The following KDM2B variants were observed in gnomAD, a reference collection of about 807,000 sequenced individuals.
KDM2B encodes lysine-specific demethylase 2B.
KDM2B carries 26 observed loss-of-function variants against 150.0 expected under a neutral mutation model. The ratio of observed to expected loss-of-function variants is 0.17; its 90% confidence interval spans 0.13 to 0.24. The LOEUF is 0.24. Among genes scored for constraint, KDM2B ranks in the 10% least tolerant of loss-of-function variants. KDM2B has a pLI of 1.00. For synonymous variants in KDM2B, 734 were observed against 729.5 expected (o/e 1.01, Z -0.10); for missense variants, 1,265 against 1,816.9 (o/e 0.70, Z 5.52).
intron 11 of KDM2B, among the ~76,000 whole-genome samples, chr12:121,497,223 GT>G (rs1474230647): frequency 6.6e-6 from 1 of 152,204 alleles, no homozygotes; most frequent in African/African-American, 2.4e-5. Flanking sequence ...TTTATAAAGT[GT>G]CTTTATTCAC....
rs1234495628 is a variant in KDM2B, at chr12:121,579,928, G to A, written c.126+858C>T. 39 of 1,455,618 alleles carry A rather than the reference G, an allele frequency of 2.7e-5. No homozygotes were observed. The East Asian group carries it at 4.0e-4, about 15-fold the overall frequency. The allele number at this position is 1,455,618 out of a possible 1,614,324, so 90.2% of individuals were successfully genotyped here. ...CAAAATACAGAAAAGGAAAGAAAAG[G>A]CAGCGAGAAACAACCAAAAAAAAAA... On this transcript the variant is annotated intron_variant, in intron 1 of 22. Coordinates refer to ENST00000377071, the MANE Select transcript of KDM2B (RefSeq NM_032590.5).
rs781838028 is a variant in KDM2B, at chr12:121,442,711, G to A, written c.2730C>T (p.Ser910=). ...GTCCCGCGGTGGGGGAGCTGGAGCG[G>A]GAGTGGTCGCTCTCCCTGGTCTTGG... ...APPKTRESDH[S]RSSSPTAGPS... The change falls in exon 19 of 23, where the codon TCC becomes TCT. Residue 910 remains serine, a synonymous_variant. Transcript: ENST00000377071. This position sits in a 1 kb window ranked among gnomAD's most constrained non-coding sequence, Gnocchi z 7.7. 6 of 1,582,746 alleles carry A rather than the reference G, an allele frequency of 3.8e-6. No individual in the cohort carries two copies. The African/African-American group carries it at 6.8e-5, about 18-fold the overall frequency.
At position 121,444,225 on chromosome 12, in the gene KDM2B, G is replaced by C. The variant is rs782408113; in HGVS notation, c.2238C>G (p.Ser746=). Residue 746 remains serine, a synonymous_variant, in exon 16 of 23, where the codon TCC becomes TCG. Transcript: ENST00000377071. ...GFKYASNLPG[S]LLKEQKMNRD... ...GGTTCATCTTCTGCTCCTTGAGCAGGGAGCCGGGCAGGTTGGAGGCGTACT... is the reference window on the plus strand; with the variant it reads ...GGTTCATCTTCTGCTCCTTGAGCAGCGAGCCGGGCAGGTTGGAGGCGTACT... The C allele has an allele frequency of 7.6e-5, 122 of 1,613,664 alleles. No homozygotes were observed. The highest frequency in any genetic ancestry group is 9.9e-5 in the Non-Finnish European group (117 of 1,180,050).
chr12:121,446,744 G>C (rs1011814868), intron 13 of KDM2B, among the ~76,000 whole-genome samples: 4 of 152,314 alleles, frequency 2.6e-5, no homozygotes, highest in African/African-American at 9.6e-5. Context: ...TCAAGTTTCT[G>C]AATGAAAATT....
chr12:121,444,970 C>G, intron 14 of KDM2B: 1 of 422,882 alleles, frequency 2.4e-6, no homozygotes, highest in Non-Finnish European at 4.3e-6. Context: ...CACCTGGAGG[C>G]GCTTCCTCTG....
chr12:121,440,409 T>C, intron 21 of KDM2B: 1 of 415,632 alleles, frequency 2.4e-6, no homozygotes. Flanking sequence ...TCCAGCCCAG[T>C]CCAGGGGGAG....
At chr12:121,420,289 CGAT>C in the KDM2B span, 86 of 1,592,830 alleles carry the variant, frequency 5.4e-5, no homozygotes, top group African/African-American at 6.1e-4. Flanking sequence ...ATGATGACGA[CGAT>C]GATGAGGATG....
chr12:121,519,742 G>A (rs1886523923), intron 9 of KDM2B, among the ~76,000 whole-genome samples: 2 of 152,138 alleles, frequency 1.3e-5, no homozygotes, highest in Non-Finnish European at 2.9e-5. Flanking sequence ...TAAAACCACT[G>A]AATTGTATAC....
At chr12:121,472,111 A>G (rs71454697) in intron 12 of KDM2B, among the ~76,000 whole-genome samples, 2 of 152,174 alleles carry the variant, frequency 1.3e-5, no homozygotes, top group Non-Finnish European at 2.9e-5. Context: ...CAACAGAGCA[A>G]CACCCTGTCT....
intron 2 of KDM2B, among the ~76,000 whole-genome samples, chr12:121,577,485 T>C (rs1555317036): frequency 6.6e-6 from 1 of 151,932 alleles, no homozygotes; most frequent in African/African-American, 2.4e-5. Context: ...AATTTATTCT[T>C]CCCTCCCCCA....
Position 121,532,934 on chromosome 12 carries a change from A to C in KDM2B, c.803T>G (p.Leu268Arg). 1 of 1,614,200 alleles carries C rather than the reference A, an allele frequency of 6.2e-7. No individual in the cohort carries two copies. The change falls in exon 8 of 23, where the codon CTG becomes CGG. Residue 268 changes from leucine (L) to arginine (R), a missense_variant. This residue lies in a region of KDM2B where 214 missense variants were observed against 447.4 expected (regional missense o/e 0.48). Coordinates refer to ENST00000377071, the MANE Select transcript of KDM2B (RefSeq NM_032590.5). ...CTCCTCGTACAGCGCCAAATTGTGC[A>C]GCGTTGGAGGAATCAGCCAAAAAAT... ...GKIFWLIPPT[L>R]HNLALYEEWV...
Position 121,446,204 on chromosome 12 carries a change from GCTA to G in KDM2B, c.1960-789_1960-787del, listed in dbSNP as rs571725907. 3.4e-3 allele frequency among the ~76,000 whole-genome samples: 521 copies of G among 152,274 alleles called. 1 individual carries two copies. Among genetic ancestry groups the G allele is most frequent in the African/African-American group, 0.012 (482 of 41,546 alleles). On this transcript the variant is annotated intron_variant, in intron 13 of 22. Coordinates refer to ENST00000377071, the MANE Select transcript of KDM2B (RefSeq NM_032590.5). The stretch of plus-strand genomic sequence containing the variant: ...AGGTCAGGAGATCGAGACCATCCCG[GCTA>G]CCACGGTGAAACCCCGTCTCTACTA...
intron 9 of KDM2B, among the ~76,000 whole-genome samples, chr12:121,519,449 T>C (rs1319272752): frequency 2.0e-5 from 3 of 152,112 alleles, no homozygotes; most frequent in Non-Finnish European, 4.4e-5. Flanking sequence ...TATTCAGCCA[T>C]GAAAAGGAAT....
downstream of KDM2B, among the ~76,000 whole-genome samples, chr12:121,424,742 A>G (rs2137240262): frequency 6.6e-6 from 1 of 152,184 alleles, no homozygotes; most frequent in South Asian, 2.1e-4. Context: ...AAAGAAAAAA[A>G]CAATGCCACA....
intron 4 of KDM2B, among the ~76,000 whole-genome samples, chr12:121,565,007 A>AT (rs1301784481): frequency 6.6e-6 from 1 of 151,170 alleles, no homozygotes; most frequent in African/African-American, 2.4e-5. Context: ...TGATTTTTGT[A>AT]TTTTTTTCTA....
chr12:121,457,678 T>C (rs1421120260), intron 12 of KDM2B, among the ~76,000 whole-genome samples: 1 of 151,706 alleles, frequency 6.6e-6, no homozygotes, highest in Non-Finnish European at 1.5e-5. Context: ...GACTTGTTGA[T>C]TTTATCAGCC....
chr12:121,478,866 T>TGTGTGTG (rs1881709324), intron 12 of KDM2B, among the ~76,000 whole-genome samples: 2 of 131,132 alleles, frequency 1.5e-5, no homozygotes, highest in Non-Finnish European at 3.2e-5. Flanking sequence ...TTTTGTTTGT[T>TGTGTGTG]TGTGTGTGTG....
chr12:121,486,333 C>CTTTTTTTT lies in KDM2B; in HGVS notation c.1734+8238_1734+8245dup, dbSNP rs71079073. Among the ~76,000 whole-genome samples the CTTTTTTTT allele has an allele frequency of 1.5e-4, 9 of 59,008 alleles. 3 individuals are homozygous for CTTTTTTTT. Among genetic ancestry groups the CTTTTTTTT allele is most frequent in the African/African-American group, 7.1e-4 (9 of 12,754 alleles). 38.7% of individuals were successfully genotyped at this position (59,008 alleles called of 152,430 possible). A position where few individuals can be genotyped will look rare whatever the true frequency, so the allele number is the denominator to read the frequency against. On this transcript the variant is annotated intron_variant, in intron 12 of 22. Transcript: ENST00000377071. The stretch of plus-strand genomic sequence containing the variant: ...TGTTGATCAGGCTGGTTTCGAACTC[C>CTTTTTTTT]TTTTTTTTTTTTTTTTTTTTTTTTT...
At chr12:121,454,128 G>A (rs542954951) in intron 12 of KDM2B, among the ~76,000 whole-genome samples, 1 of 151,974 alleles carries the variant, frequency 6.6e-6, no homozygotes, top group Non-Finnish European at 1.5e-5. Flanking sequence ...TGGGTTCAGG[G>A]CCCCTCTGGG....
Sources: gnomAD v4.1 joint callset for allele counts (sites outside exome capture counted in the v4.1 genomes callset) on GRCh38, gnomAD v4.1.1 for gene constraint, gnomAD v4.1.1 regional missense constraint, Gnocchi (gnomAD v3.1) non-coding constraint, MANE v1.5 for transcripts, NCBI Gene and HGNC (gene_info 2026-07-23, HGNC 2026-07-21) for gene names.